Variants in RBMS1 observed in about 807,000 individuals in gnomAD.
RBMS1 encodes RNA binding motif single stranded interacting protein 1.
A neutral mutation model predicts 62.3 loss-of-function variants in RBMS1; 17 were observed. That is an observed-to-expected ratio of 0.27 (90% confidence interval 0.19 to 0.41). The LOEUF (loss-of-function observed/expected upper bound fraction) is 0.41, where lower values mean the gene tolerates loss of function less well. Among genes scored for constraint, RBMS1 ranks in the 10% least tolerant of loss-of-function variants. The pLI is 1.00. For missense variants in RBMS1, 334 were observed against 504.5 expected (o/e 0.66, Z 3.24); for synonymous variants, 172 against 170.0 (o/e 1.01, Z -0.09).
chr2:160,428,553 G>A (rs1026061422), intron 1 of RBMS1, among the ~76,000 whole-genome samples: 2 of 152,100 alleles, frequency 1.3e-5, no homozygotes, highest in African/African-American at 4.8e-5. Flanking sequence ...ACCATCCCTG[G>A]CCATTTTCCT....
chr2:160,341,384 C>A (rs1029938823), intron 2 of RBMS1, among the ~76,000 whole-genome samples: 3 of 152,106 alleles, frequency 2.0e-5, no homozygotes, highest in Non-Finnish European at 4.4e-5. Context: ...CTCACTGTTC[C>A]TGCAGGGTGA....
At chr2:160,399,547 T>C (rs1437098469) in intron 1 of RBMS1, among the ~76,000 whole-genome samples, 1 of 151,902 alleles carries the variant, frequency 6.6e-6, no homozygotes, top group Non-Finnish European at 1.5e-5. Flanking sequence ...TTAAATCACT[T>C]ACACCTACAA....
At chr2:160,281,288 C>T in intron 10 of RBMS1, 26 bp downstream of exon 10, 1 of 1,568,324 alleles carries the variant, frequency 6.4e-7, no homozygotes, top group African/African-American at 1.4e-5. Context: ...TTGTAAAACA[C>T]AAAGTCATTA....
chr2:160,298,648 T>C (rs923172106), intron 6 of RBMS1, among the ~76,000 whole-genome samples: 1 of 152,036 alleles, frequency 6.6e-6, no homozygotes, highest in African/African-American at 2.4e-5. Context: ...CCCAAATACA[T>C]ACAGCAGACA....
At chr2:160,433,717 C>CTTGGCTT (rs1682999015) in intron 1 of RBMS1, among the ~76,000 whole-genome samples, 1 of 152,222 alleles carries the variant, frequency 6.6e-6, no homozygotes, top group Non-Finnish European at 1.5e-5. Flanking sequence ...AGAAATGTGG[C>CTTGGCTT]TTGGCTTTGG....
chr2:160,321,893 G>A (rs2105973389), intron 2 of RBMS1, among the ~76,000 whole-genome samples: 1 of 152,224 alleles, frequency 6.6e-6, no homozygotes, highest in Middle Eastern at 3.4e-3. Flanking sequence ...TTTCAACCCT[G>A]TCTGTTGCAT....
chr2:160,277,375 A>T lies in RBMS1; in HGVS notation c.1071T>A (p.Pro357=). 1.2e-6 allele frequency: 2 copies of T among 1,612,302 alleles called. No homozygotes were observed. Among genetic ancestry groups the T allele is most frequent in the Non-Finnish European group, 8.5e-7 (1 of 1,178,368 alleles). The part of the protein sequence containing the change: ...LSLGSTGTYM[P]ATSAMQGAYL... ...AGGCTCCTTGCATAGCTGACGTTGC[A>T]GGCATGTACTAGAAAGAAGAATGAG... Residue 357 remains proline (P), a synonymous_variant, in exon 12 of 14, where the codon CCT becomes CCA. Coordinates refer to ENST00000348849, the MANE Select transcript of RBMS1 (RefSeq NM_016836.4).
chr2:160,414,846 CAAA>C (rs11404886), intron 1 of RBMS1, among the ~76,000 whole-genome samples: 3 of 128,076 alleles, frequency 2.3e-5, no homozygotes, highest in African/African-American at 2.8e-5. Flanking sequence ...GACCCTGTCT[CAAA>C]AAAAAAAAAA....
chr2:160,324,754 A>G (rs1690790931), intron 2 of RBMS1, among the ~76,000 whole-genome samples: 1 of 151,556 alleles, frequency 6.6e-6, no homozygotes, highest in Admixed American at 6.6e-5. Context: ...AGAAAAATAA[A>G]ACATCAACAT....
intron 3 of RBMS1, among the ~76,000 whole-genome samples, chr2:160,315,350 T>G (rs1279857633): frequency 1.3e-5 from 2 of 152,190 alleles, no homozygotes; most frequent in Non-Finnish European, 2.9e-5. Flanking sequence ...TTATACAGAC[T>G]CTATGGATTT....
At chr2:160,484,593 G>A (rs1685512819) in intron 1 of RBMS1, among the ~76,000 whole-genome samples, 1 of 149,306 alleles carries the variant, frequency 6.7e-6, no homozygotes, top group Non-Finnish European at 1.5e-5. Context: ...AGCATTGGCC[G>A]GGCGCGGTGG....
chr2:160,346,062 T>C (rs1357131868), intron 2 of RBMS1, among the ~76,000 whole-genome samples: 4 of 152,116 alleles, frequency 2.6e-5, no homozygotes, highest in Non-Finnish European at 4.4e-5. Context: ...TCCCCAAATC[T>C]TGGAAGCCTT....
chr2:160,421,438 G>A (rs1221310264), intron 1 of RBMS1, among the ~76,000 whole-genome samples: 1 of 152,062 alleles, frequency 6.6e-6, no homozygotes, highest in Non-Finnish European at 1.5e-5. Context: ...GAGAATGATG[G>A]TTTCCAGCTT....
intron 1 of RBMS1, among the ~76,000 whole-genome samples, chr2:160,396,542 CTTTTT>C (rs1368778021): frequency 1.8e-5 from 2 of 112,898 alleles, no homozygotes; most frequent in African/African-American, 6.5e-5. Context: ...AGGGACTTTT[CTTTTT>C]ATCTTTTTTT....
chr2:160,278,900 T>A, intron 10 of RBMS1: 1 of 388,386 alleles, frequency 2.6e-6, no homozygotes, highest in South Asian at 3.5e-5. Context: ...CAACAATCCC[T>A]GTATTAAAGC....
At chr2:160,411,232 G>A (rs1696019888) in intron 1 of RBMS1, among the ~76,000 whole-genome samples, 1 of 152,190 alleles carries the variant, frequency 6.6e-6, no homozygotes, top group African/African-American at 2.4e-5. Flanking sequence ...TCACCCTTGG[G>A]GATTTGATTC....
chr2:160,438,492 T>C (rs1683214932), intron 1 of RBMS1, among the ~76,000 whole-genome samples: 2 of 151,996 alleles, frequency 1.3e-5, no homozygotes, highest in African/African-American at 2.4e-5. Flanking sequence ...AAGCATCTGT[T>C]TAACAAAGCA....
At chr2:160,359,871 G>A (rs1386333853) in intron 2 of RBMS1, among the ~76,000 whole-genome samples, 2 of 152,178 alleles carry the variant, frequency 1.3e-5, no homozygotes, top group Non-Finnish European at 2.9e-5. Flanking sequence ...CAATGGAGAT[G>A]TACAAATAAT....
chr2:160,400,256 C>T (rs990798915), intron 1 of RBMS1, among the ~76,000 whole-genome samples: 17 of 151,564 alleles, frequency 1.1e-4, no homozygotes, highest in Non-Finnish European at 1.6e-4. Context: ...TCCCACTGCA[C>T]GGCCCTTTCA....
Sources: gnomAD v4.1 joint callset for allele counts (sites outside exome capture counted in the v4.1 genomes callset) on GRCh38, gnomAD v4.1.1 for gene constraint, MANE v1.5 for transcripts, NCBI Gene and HGNC (gene_info 2026-07-23, HGNC 2026-07-21) for gene names.